Variants in PCDHA7 observed in about 807,000 individuals in gnomAD.
The protein encoded by PCDHA7 is protocadherin alpha 7, also known as protocadherin alpha-7.
A neutral mutation model predicts 57.2 loss-of-function variants in PCDHA7; 37 were observed. The observed-to-expected ratio is 0.65, with a 90% CI of 0.50 to 0.85. PCDHA7 has a LOEUF of 0.85. PCDHA7 is among the 40% of genes least tolerant of loss of function. The pLI is 0.00. For missense variants in PCDHA7, 1,188 were observed against 1,241.8 expected, an observed-to-expected ratio of 0.96 and a Z score of 0.65; for synonymous variants, 553 against 558.8, an observed-to-expected ratio of 0.99 and a Z score of 0.15.
At chr5:140,933,490 A>G (rs1554209400) in intron 1 of PCDHA7, among the ~76,000 whole-genome samples, 1 of 152,104 alleles carries the variant, frequency 6.6e-6, no homozygotes, top group African/African-American at 2.4e-5. Flanking sequence ...GTTATTCTTT[A>G]GAATTGTTAA....
intron 1 of PCDHA7, chr5:140,882,292 C>G (rs2059050033): frequency 1.2e-6 from 2 of 1,613,422 alleles, no homozygotes; most frequent in African/African-American, 1.3e-5. Flanking sequence ...GGCAAGGAGG[C>G]CCAAGACCGC....
chr5:140,877,902 C>T (rs2153356896), intron 1 of PCDHA7: 1 of 1,438,302 alleles, frequency 7.0e-7, no homozygotes, highest in Middle Eastern at 2.3e-4. Flanking sequence ...TAGGTTATAA[C>T]TACATTCTCT....
rs781919488 is a variant in PCDHA7 at position 141,010,129 on chromosome 5, G to T, written c.*192G>T. 1 of 1,601,910 alleles carries T rather than the reference G, an allele frequency of 6.2e-7. No individual in the cohort carries two copies. Among genetic ancestry groups the T allele is most frequent in the East Asian group, 2.2e-5 (1 of 44,578 alleles). ...TGTCGTAAAAGCTTTACTAAGTCTGGTGTTAACTCTTTCTCTCCACTCTGG... is the reference window on the plus strand; with the variant it reads ...TGTCGTAAAAGCTTTACTAAGTCTGTTGTTAACTCTTTCTCTCCACTCTGG... On this transcript the variant is annotated 3_prime_UTR_variant, in exon 4 of 4. Transcript: ENST00000525929.
intron 1 of PCDHA7, among the ~76,000 whole-genome samples, chr5:140,879,380 T>C (rs1213546230): frequency 6.6e-6 from 1 of 152,106 alleles, no homozygotes; most frequent in Admixed American, 6.5e-5. Flanking sequence ...CAGAACAAGG[T>C]TGGAGAAACA....
Position 140,843,520 on chromosome 5 carries a change from G to A in PCDHA7, c.2355+6782G>A, listed in dbSNP as rs2150361803. 1.5e-5 allele frequency: 24 copies of A among 1,595,834 alleles called. 2 individuals are homozygous for A. The highest frequency in any genetic ancestry group is 2.0e-5 in the Non-Finnish European group (23 of 1,165,564). On this transcript the variant is annotated intron_variant, in intron 1 of 3. Coordinates refer to ENST00000525929, the MANE Select transcript of PCDHA7 (RefSeq NM_018910.3). ...CACTGCCCACTGAGGGCGGGTGCCG[G>A]GCGGGCAAGCCCACTCTGGTGTGCT...
intron 1 of PCDHA7, among the ~76,000 whole-genome samples, chr5:140,898,622 A>G (rs1286354840): frequency 7.9e-5 from 12 of 152,290 alleles, no homozygotes; most frequent in African/African-American, 2.6e-4. Context: ...GTCAGGTAGC[A>G]TAATGCCTCC....
intron 1 of PCDHA7, chr5:140,851,046 C>A: frequency 7.2e-7 from 1 of 1,389,024 alleles, no homozygotes; most frequent in Non-Finnish European, 9.4e-7. Context: ...TTGGAGCCGA[C>A]TTTGTCTTGA....
At chr5:140,911,153 C>T (rs921838811) in intron 1 of PCDHA7, among the ~76,000 whole-genome samples, 2 of 152,048 alleles carry the variant, frequency 1.3e-5, no homozygotes, top group Non-Finnish European at 2.9e-5. Flanking sequence ...TCTCCTCAGA[C>T]AAATGTGGAA....
chr5:140,906,798 C>T (rs1456677849), intron 1 of PCDHA7, among the ~76,000 whole-genome samples: 1 of 152,192 alleles, frequency 6.6e-6, no homozygotes, highest in Non-Finnish European at 1.5e-5. Context: ...TCCATGCATA[C>T]TCTTCCTTAC....
intron 1 of PCDHA7, chr5:140,856,974 T>C: frequency 6.3e-7 from 1 of 1,594,506 alleles, no homozygotes; most frequent in African/African-American, 1.3e-5. Context: ...GCTATTGACT[T>C]TGAGGACAGT....
chr5:140,879,589 A>G (rs2058049274), intron 1 of PCDHA7, among the ~76,000 whole-genome samples: 1 of 152,214 alleles, frequency 6.6e-6, no homozygotes, highest in South Asian at 2.1e-4. Context: ...CAGACATTGA[A>G]AAGTGAAAAA....
intron 1 of PCDHA7, chr5:140,869,245 A>G: frequency 1.2e-6 from 2 of 1,613,628 alleles, no homozygotes; most frequent in Non-Finnish European, 1.7e-6. Context: ...CGTGGGCCGC[A>G]TCGCGCAGGA....
In PCDHA7 at chr5:140,841,358, C is replaced by A. The variant is rs2150314140; in HGVS notation, c.2355+4620C>A. ...CTGGCGAGGAGAGCTGGGATCCTGGCGACTACTACTCTTGCTTCTGCTCCT... is the reference window on the plus strand; with the variant it reads ...CTGGCGAGGAGAGCTGGGATCCTGGAGACTACTACTCTTGCTTCTGCTCCT... On this transcript the variant is annotated intron_variant, in intron 1 of 3. Coordinates refer to ENST00000525929, the MANE Select transcript of PCDHA7 (RefSeq NM_018910.3). 11 of 1,612,868 alleles carry A rather than the reference C, an allele frequency of 6.8e-6. No homozygotes were observed. In the Admixed American group the frequency reaches 1.2e-4, roughly 17 times the overall value.
intron 1 of PCDHA7, among the ~76,000 whole-genome samples, chr5:140,916,255 C>G (rs1161014900): frequency 6.6e-6 from 1 of 152,144 alleles, no homozygotes. Context: ...ACTTGGGGAC[C>G]CCAAGAGCAT....
rs782130761 is a variant in PCDHA7, at chr5:140,836,479, A to G, written c.2096A>G (p.Tyr699Cys). The change falls in exon 1 of 4, where the codon TAC (tyrosine) becomes TGC (cysteine). Residue 699 changes from tyrosine to cysteine, a missense_variant. Physicochemically the swap from Tyr to Cys is radical, Grantham distance 194. This residue lies in a region of PCDHA7 where 892 missense variants were observed against 788.5 expected (regional missense o/e 1.13). Coordinates refer to ENST00000525929, the MANE Select transcript of PCDHA7 (RefSeq NM_018910.3). ...PETELVDVNVYLIIAICAVSS... is the reference protein window; with the variant it reads ...PETELVDVNVCLIIAICAVSS... ...ACCGAGCTGGTGGATGTCAACGTGT[A>G]CCTGATCATCGCCATCTGCGCGGTG... The G allele has an allele frequency of 2.5e-6, 4 of 1,613,680 alleles. No individual in the cohort carries two copies. The highest frequency in any genetic ancestry group is 1.7e-5 in the Admixed American group (1 of 60,002).
intron 1 of PCDHA7, chr5:140,968,828 C>T (rs1404451202): frequency 6.2e-7 from 1 of 1,614,198 alleles, no homozygotes; most frequent in South Asian, 1.1e-5. Context: ...TTCCAAAATC[C>T]TCCCTGACAC....
chr5:140,852,008 A>G (rs566042388), intron 1 of PCDHA7: 1 of 972,776 alleles, frequency 1.0e-6, no homozygotes, highest in South Asian at 4.8e-5. Flanking sequence ...TTTCTAATTT[A>G]TAGTTTTAAA....
chr5:140,843,962 A>G (rs1554140497), intron 1 of PCDHA7, among the ~76,000 whole-genome samples: 1 of 149,518 alleles, frequency 6.7e-6, no homozygotes, highest in Non-Finnish European at 1.5e-5. Context: ...TTTACTGAAT[A>G]TTTATTTTGG....
chr5:140,998,195 A>C (rs1409926168), intron 3 of PCDHA7, among the ~76,000 whole-genome samples: 6 of 152,164 alleles, frequency 3.9e-5, no homozygotes, highest in African/African-American at 1.2e-4. Flanking sequence ...ACAAGTATTA[A>C]CTCCTTTAAT....
Sources: allele counts gnomAD v4.1 joint callset (sites outside exome capture counted in the v4.1 genomes callset), GRCh38; gene constraint gnomAD v4.1.1; regional missense constraint gnomAD v4.1.1; transcripts MANE v1.5; gene names NCBI Gene and HGNC (gene_info 2026-07-23, HGNC 2026-07-21).